The following CHD6 variants were observed in gnomAD, a reference collection of about 807,000 sequenced individuals.
CHD6 encodes the protein chromodomain helicase DNA binding protein 6, also known as ATP-dependent chromatin remodeler CHD6.
A neutral mutation model predicts 276.9 loss-of-function variants in CHD6; 50 were observed. That is an observed-to-expected ratio of 0.18 (90% CI 0.14 to 0.23). CHD6 has a LOEUF of 0.23. CHD6 is among the 10% of genes least tolerant of loss of function. The pLI is 1.00. For missense variants in CHD6, 2,564 were observed against 3,365.8 expected (o/e 0.76, Z 5.89); for synonymous variants, 1,173 against 1,229.3 (o/e 0.95, Z 0.96).
intron 3 of CHD6, among the ~76,000 whole-genome samples, chr20:41,525,612 T>C (rs1375146630): frequency 1.3e-5 from 2 of 152,220 alleles, no homozygotes; most frequent in African/African-American, 4.8e-5. Context: ...TCAGTAAGAT[T>C]TGGATAAGAA....
intron 36 of CHD6, among the ~76,000 whole-genome samples, chr20:41,406,207 A>G (rs905712676): frequency 4.6e-5 from 7 of 152,190 alleles, no homozygotes; most frequent in African/African-American, 1.7e-4. Flanking sequence ...CTTCTTGAAC[A>G]CTGTTGGGGA....
chr20:41,472,051 T>C (rs970278115), intron 17 of CHD6, among the ~76,000 whole-genome samples: 2 of 151,652 alleles, frequency 1.3e-5, no homozygotes, highest in South Asian at 2.1e-4. Context: ...ATGCCCAACA[T>C]AGCAAAATCC....
In CHD6 at chr20:41,420,909, T is replaced by C. The variant is rs2047167615; in HGVS notation, c.5726A>G (p.Gln1909Arg). ...NISREKNQGF[Q>R]DETKKGSLEV... ...TAAGCTTCCTTTCTTGGTTTCATCT[T>C]GGAAGCCTTGGTTCTTTTCCCTTGA... The change falls in exon 31 of 37, where the codon CAA (glutamine) becomes CGA (arginine). Residue 1909 changes from glutamine to arginine, a missense_variant. This residue lies in a region of CHD6 where 1,024 missense variants were observed against 1,047.9 expected (regional missense o/e 0.98). Transcript: ENST00000373233. 2 of 1,614,098 alleles carry C rather than the reference T, an allele frequency of 1.2e-6. No individual in the cohort carries two copies. The highest frequency in any genetic ancestry group is 2.7e-5 in the African/African-American group (2 of 74,920).
chr20:41,543,135 TAATA>T (rs1006850596), intron 2 of CHD6, among the ~76,000 whole-genome samples: 21 of 149,612 alleles, frequency 1.4e-4, no homozygotes, highest in Non-Finnish European at 3.0e-4. Flanking sequence ...TCAATAATAA[TAATA>T]GTTAATTTTA....
intron 2 of CHD6, among the ~76,000 whole-genome samples, chr20:41,539,862 C>T (rs183090212): frequency 8.5e-5 from 13 of 152,264 alleles, no homozygotes; most frequent in East Asian, 3.9e-4. Context: ...AATAATACTA[C>T]GCAACCATTA....
intron 1 of CHD6, among the ~76,000 whole-genome samples, chr20:41,584,866 T>C (rs554120166): frequency 6.6e-6 from 1 of 152,054 alleles, no homozygotes; most frequent in South Asian, 2.1e-4. Flanking sequence ...AGACCTCAAA[T>C]CAATTAAACT....
At chr20:41,431,543 T>C (rs1251286614) in intron 27 of CHD6, among the ~76,000 whole-genome samples, 1 of 152,188 alleles carries the variant, frequency 6.6e-6, no homozygotes, top group Non-Finnish European at 1.5e-5. Context: ...TTTGGTCATA[T>C]GGTGCTGGGG....
At chr20:41,407,809 G>A (rs2046723915) in intron 36 of CHD6, among the ~76,000 whole-genome samples, 1 of 152,224 alleles carries the variant, frequency 6.6e-6, no homozygotes, top group African/African-American at 2.4e-5. Context: ...GCTGATAAGA[G>A]GATGAGCAGC....
chr20:41,490,619 C>T (rs1342634676), intron 11 of CHD6, among the ~76,000 whole-genome samples: 3 of 152,114 alleles, frequency 2.0e-5, no homozygotes, highest in Non-Finnish European at 4.4e-5. Context: ...TCGAGACGAA[C>T]CTGGCCAACA....
chr20:41,558,139 T>G (rs573280113), intron 1 of CHD6, among the ~76,000 whole-genome samples: 1 of 152,298 alleles, frequency 6.6e-6, no homozygotes, highest in Non-Finnish European at 1.5e-5. Context: ...ATCCCCCAAC[T>G]TCCCATTTCC....
intron 1 of CHD6, among the ~76,000 whole-genome samples, chr20:41,553,413 C>T (rs2045175274): frequency 6.6e-6 from 1 of 152,220 alleles, no homozygotes; most frequent in Admixed American, 6.5e-5. Context: ...GACATGCTCA[C>T]AGGCACGTTC....
rs375562519 is a variant in CHD6, at chr20:41,484,057, A to G, written c.2257+295T>C. ...GAAAGTGTGGGCCAGACTTTGAACAAATAAAGGGCAGCAAACTGGTGAGTG... is the reference window on the plus strand; with the variant it reads ...GAAAGTGTGGGCCAGACTTTGAACAGATAAAGGGCAGCAAACTGGTGAGTG... On this transcript the variant is annotated intron_variant, in intron 15 of 36. Transcript: ENST00000373233. Among the ~76,000 whole-genome samples, 44 of 152,296 alleles carry G rather than the reference A, an allele frequency of 2.9e-4. No homozygotes were observed. The East Asian group carries it at 5.8e-3, about 20-fold the overall frequency.
chr20:41,515,393 T>C (rs2044225715), intron 3 of CHD6, among the ~76,000 whole-genome samples: 1 of 152,208 alleles, frequency 6.6e-6, no homozygotes, highest in African/African-American at 2.4e-5. Flanking sequence ...CACTCAAAAA[T>C]GAAGAGAACA....
In CHD6 at chr20:41,423,616, G is replaced by A; in HGVS notation, c.4431C>T (p.Asp1477=). 2 of 1,614,186 alleles carry A rather than the reference G, an allele frequency of 1.2e-6. No individual in the cohort carries two copies. The highest frequency in any genetic ancestry group is 1.7e-6 in the Non-Finnish European group (2 of 1,180,010). Residue 1477 remains aspartate, a synonymous_variant, in exon 30 of 37, where the codon GAC becomes GAT. Coordinates refer to ENST00000373233, the MANE Select transcript of CHD6 (RefSeq NM_032221.5). ...GGGAAATGATGCGGAACTGTGTCCAGTCAAAGGTTTTCTTTTCTTGATCGT... is the reference window on the plus strand; with the variant it reads ...GGGAAATGATGCGGAACTGTGTCCAATCAAAGGTTTTCTTTTCTTGATCGT... The part of the protein sequence containing the change: ...VVYDQEKKTF[D]WTQFRIISRL...
chr20:41,600,665 A>AT (rs760204315), intron 1 of CHD6, among the ~76,000 whole-genome samples: 1 of 152,236 alleles, frequency 6.6e-6, no homozygotes, highest in Non-Finnish European at 1.5e-5. Context: ...AATGCTCAAT[A>AT]AACATTTGTG....
intron 1 of CHD6, among the ~76,000 whole-genome samples, chr20:41,563,054 A>G (rs1211407849): frequency 5.9e-5 from 9 of 152,362 alleles, no homozygotes; most frequent in Admixed American, 2.0e-4. Flanking sequence ...ACTCCTCAAA[A>G]GAAGTGTTTT....
intron 1 of CHD6, among the ~76,000 whole-genome samples, chr20:41,579,780 T>G (rs2045516599): frequency 6.6e-6 from 1 of 152,194 alleles, no homozygotes; most frequent in Admixed American, 6.5e-5. Flanking sequence ...AACTGACCAC[T>G]AAAACATGTT....
Position 41,502,342 on chromosome 20 carries a change from G to T in CHD6, c.853-2985C>A, listed in dbSNP as rs144799885. Among the ~76,000 whole-genome samples, 968 of 152,216 alleles carry T rather than the reference G, an allele frequency of 6.4e-3. 11 individuals are homozygous for T. Among genetic ancestry groups the T allele is most frequent in the Middle Eastern group, 0.024 (7 of 294 alleles). On this transcript the variant is annotated intron_variant, in intron 5 of 36. Coordinates refer to ENST00000373233, the MANE Select transcript of CHD6 (RefSeq NM_032221.5). The stretch of plus-strand genomic sequence containing the variant: ...AATCAATTAAAAAATTAAAAAATAT[G>T]TTAATAGTCATTTCATACCAAGTCT...
intron 2 of CHD6, among the ~76,000 whole-genome samples, chr20:41,546,478 G>A (rs996519963): frequency 6.6e-6 from 1 of 152,132 alleles, no homozygotes; most frequent in Non-Finnish European, 1.5e-5. Flanking sequence ...TACCCCTTAA[G>A]ATGACACCTG....
Sources: allele counts gnomAD v4.1 joint callset (sites outside exome capture counted in the v4.1 genomes callset), GRCh38; gene constraint gnomAD v4.1.1; regional missense constraint gnomAD v4.1.1; transcripts MANE v1.5; gene names NCBI Gene and HGNC (gene_info 2026-07-23, HGNC 2026-07-21).